LRRTM3: variants seen among roughly 807,000 people sequenced by gnomAD.
LRRTM3 encodes leucine rich repeat transmembrane neuronal 3, also known as leucine-rich repeat transmembrane neuronal protein 3.
LRRTM3 carries 24 observed loss-of-function variants against 44.7 expected under a neutral mutation model. The observed-to-expected ratio is 0.54, with a 90% CI of 0.39 to 0.76. The LOEUF is 0.76. Ranked by LOEUF, LRRTM3 falls within the 30% of genes least tolerant of loss-of-function variation. The pLI is 0.00. For missense variants in LRRTM3, 587 were observed against 702.2 expected, an observed-to-expected ratio of 0.84 and a Z score of 1.85; for synonymous variants, 277 against 278.7, an observed-to-expected ratio of 0.99 and a Z score of 0.06.
intron 2 of LRRTM3, among the ~76,000 whole-genome samples, chr10:67,070,929 A>T (rs1259007828): frequency 5.3e-5 from 8 of 152,090 alleles, no homozygotes; most frequent in South Asian, 4.1e-4. Flanking sequence ...CATGCTAACT[A>T]CACTTTCTTT....
chr10:67,068,210 G>A (rs1856210628), intron 2 of LRRTM3, among the ~76,000 whole-genome samples: 3 of 152,230 alleles, frequency 2.0e-5, no homozygotes, highest in Non-Finnish European at 4.4e-5. Context: ...AAAAGAAGGT[G>A]GATTGGACCT....
chr10:66,980,303 G>C (rs1044382430), intron 2 of LRRTM3, among the ~76,000 whole-genome samples: 1 of 152,120 alleles, frequency 6.6e-6, no homozygotes, highest in African/African-American at 2.4e-5. Flanking sequence ...AGTCAACAAA[G>C]ATAATTCTTT....
chr10:67,069,804 T>A (rs1856333429), intron 2 of LRRTM3, among the ~76,000 whole-genome samples: 1 of 152,134 alleles, frequency 6.6e-6, no homozygotes. Flanking sequence ...AATATTCAAA[T>A]TTCTTTTTAC....
rs535234176 is a variant in LRRTM3, at chr10:67,073,103, C to T, written c.1537-24484C>T. Among the ~76,000 whole-genome samples, 5 of 152,304 alleles carry T rather than the reference C, an allele frequency of 3.3e-5. No homozygotes were observed. The East Asian group carries it at 9.6e-4, about 29-fold the overall frequency. ...GCAAATGCCCTCAGGGAAATAAATACATGCATGCCTTGGAATAATTTTCCC... is the reference window on the plus strand; with the variant it reads ...GCAAATGCCCTCAGGGAAATAAATATATGCATGCCTTGGAATAATTTTCCC... On this transcript the variant is annotated intron_variant, in intron 2 of 2. Transcript: ENST00000361320.
chr10:67,037,833 T>G (rs12098242), intron 2 of LRRTM3, among the ~76,000 whole-genome samples: 2,732 of 152,224 alleles, frequency 0.018, 77 homozygotes, highest in African/African-American at 0.061. Flanking sequence ...ATTTGAGATG[T>G]ATTGGTAAAT....
chr10:67,012,449 T>C (rs1245019564), intron 2 of LRRTM3: 1 of 152,228 alleles, frequency 6.6e-6, no homozygotes. Context: ...TAGCTCACAA[T>C]TGTGAGGAAA....
intron 2 of LRRTM3, among the ~76,000 whole-genome samples, chr10:67,084,471 A>G (rs1358957151): frequency 2.0e-5 from 3 of 151,904 alleles, no homozygotes; most frequent in Admixed American, 6.6e-5. Flanking sequence ...TAATTTAAAT[A>G]TTGTTTATAA....
At chr10:66,951,773 C>T (rs1202248226) in intron 2 of LRRTM3, among the ~76,000 whole-genome samples, 3 of 152,132 alleles carry the variant, frequency 2.0e-5, no homozygotes, top group Admixed American at 2.0e-4. Context: ...ACATTTAATA[C>T]TACACTGGGA....
chr10:66,928,373 C>T lies in LRRTM3; in HGVS notation c.1457C>T (p.Thr486Ile). ...GAATTTTATGTAGATTATAAACCCACCAACACGGAGACCAGCGAGATGCTG... is the reference window on the plus strand; with the variant it reads ...GAATTTTATGTAGATTATAAACCCATCAACACGGAGACCAGCGAGATGCTG... ...TQEFYVDYKP[T>I]NTETSEMLLN... is the part of the protein sequence containing the mutation. The change falls in exon 2 of 3, where the codon ACC (threonine) becomes ATC (isoleucine). Residue 486 changes from threonine to isoleucine, a missense_variant. By Grantham distance (89) the Thr-to-Ile change is moderately conservative. This residue lies in a region of LRRTM3 where 315 missense variants were observed against 335.6 expected (regional missense o/e 0.94). Coordinates refer to ENST00000361320, the MANE Select transcript of LRRTM3 (RefSeq NM_178011.5). 6.2e-7 allele frequency: 1 copy of T among 1,614,138 alleles called. No individual in the cohort carries two copies. The highest frequency in any genetic ancestry group is 8.5e-7 in the Non-Finnish European group (1 of 1,180,030).
intron 2 of LRRTM3, among the ~76,000 whole-genome samples, chr10:66,965,483 C>G (rs1369670666): frequency 6.7e-6 from 1 of 149,418 alleles, no homozygotes; most frequent in Non-Finnish European, 1.5e-5. Flanking sequence ...TGCAGTGAGC[C>G]GAGATCGCAC....
intron 2 of LRRTM3, among the ~76,000 whole-genome samples, chr10:66,943,311 C>G (rs1289670040): frequency 1.3e-5 from 2 of 152,094 alleles, no homozygotes; most frequent in Admixed American, 6.6e-5. Flanking sequence ...TAGTTAATGA[C>G]TTTGAAGTGT....
chr10:66,994,835 C>T (rs1851241583), intron 2 of LRRTM3, among the ~76,000 whole-genome samples: 1 of 152,126 alleles, frequency 6.6e-6, no homozygotes, highest in African/African-American at 2.4e-5. Context: ...AATTTCTATA[C>T]ATTGTACAAG....
At chr10:66,939,614 A>C (rs1260556906) in intron 2 of LRRTM3, among the ~76,000 whole-genome samples, 1 of 152,192 alleles carries the variant, frequency 6.6e-6, no homozygotes, top group African/African-American at 2.4e-5. Context: ...GTTGCATTTT[A>C]ATTACAATTT....
intron 2 of LRRTM3, among the ~76,000 whole-genome samples, chr10:66,963,664 T>C (rs796319788): frequency 2.6e-5 from 4 of 152,052 alleles, no homozygotes; most frequent in African/African-American, 9.6e-5. Flanking sequence ...GGGTAAGGTA[T>C]AGAGGGCATG....
chr10:66,966,276 CAATTA>C (rs772030633), intron 2 of LRRTM3, among the ~76,000 whole-genome samples: 3 of 152,000 alleles, frequency 2.0e-5, no homozygotes, highest in Non-Finnish European at 2.9e-5. Context: ...TATGTGTAGA[CAATTA>C]AATTAATCTT....
At chr10:67,001,786 A>G (rs577802652) in intron 2 of LRRTM3, among the ~76,000 whole-genome samples, 1 of 152,310 alleles carries the variant, frequency 6.6e-6, no homozygotes, top group African/African-American at 2.4e-5. Context: ...ATGTAATAAA[A>G]AAGGGTGCTA....
intron 2 of LRRTM3, among the ~76,000 whole-genome samples, chr10:67,029,719 A>C (rs2133104757): frequency 6.6e-6 from 1 of 152,358 alleles, no homozygotes; most frequent in South Asian, 2.1e-4. Context: ...ATATTTTTAC[A>C]AATTAACTTT....
At chr10:66,964,136 C>A (rs1718171321) in intron 2 of LRRTM3, among the ~76,000 whole-genome samples, 1 of 152,088 alleles carries the variant, frequency 6.6e-6, no homozygotes, top group South Asian at 2.1e-4. Context: ...AGGTGTGAGC[C>A]ACCGCACCCA....
rs561618520 is a variant in LRRTM3, at chr10:67,079,809, C to A, written c.1537-17778C>A. 1.1e-4 allele frequency among the ~76,000 whole-genome samples: 16 copies of A among 151,854 alleles called. No individual in the cohort carries two copies. The East Asian group carries it at 2.0e-3, about 19-fold the overall frequency. On this transcript the variant is annotated intron_variant, in intron 2 of 2. Transcript: ENST00000361320. ...GTTGCAGTGAGCTGAGATTGCACCA[C>A]TGAACTCCAGCCTGGGTGGCACAGC...
Sources: gnomAD v4.1 joint callset for allele counts (sites outside exome capture counted in the v4.1 genomes callset) on GRCh38, gnomAD v4.1.1 for gene constraint, gnomAD v4.1.1 regional missense constraint, MANE v1.5 for transcripts, NCBI Gene and HGNC (gene_info 2026-07-23, HGNC 2026-07-21) for gene names.